NXPE1: variants seen among roughly 807,000 people sequenced by gnomAD.
NXPE1 encodes neurexophilin and PC-esterase domain family member 1.
NXPE1 carries 31 observed loss-of-function variants against 33.3 expected under a neutral mutation model. The observed-to-expected ratio is 0.93, with a 90% CI of 0.70 to 1.26. The LOEUF (loss-of-function observed/expected upper bound fraction) is 1.26. Among genes scored for constraint, NXPE1 ranks in the 50% most tolerant of loss-of-function variants. The pLI, the probability that NXPE1 is intolerant of heterozygous loss-of-function variation, is 0.00. For missense variants in NXPE1, 661 were observed against 655.6 expected, an observed-to-expected ratio of 1.01 and a Z score of -0.09; for synonymous variants, 229 against 231.4, an observed-to-expected ratio of 0.99 and a Z score of 0.09.
chr11:114,522,598 G>T, intron 8 of NXPE1, 95 bp from the exon 9 acceptor site: 1 of 1,027,178 alleles, frequency 9.7e-7, no homozygotes, highest in Non-Finnish European at 1.4e-6. Context: ...ACCCTACCTA[G>T]ATAATTGCTC....
At chr11:114,551,777 G>C (rs1488580632) in intron 3 of NXPE1, among the ~76,000 whole-genome samples, 197 bp downstream of exon 3, 1 of 152,086 alleles carries the variant, frequency 6.6e-6, no homozygotes, top group East Asian at 1.9e-4. Flanking sequence ...GATCCAATAA[G>C]GCTGGGCACT....
downstream of NXPE1, among the ~76,000 whole-genome samples, chr11:114,519,089 C>T (rs1947146786): frequency 6.6e-6 from 1 of 152,106 alleles, no homozygotes; most frequent in South Asian, 2.1e-4. Context: ...ATAATGTGAC[C>T]AATTGACCCC....
intron 5 of NXPE1, among the ~76,000 whole-genome samples, chr11:114,539,304 G>C (rs969254138): frequency 8.5e-6 from 1 of 118,310 alleles, no homozygotes; most frequent in African/African-American, 3.1e-5. Flanking sequence ...GAGGGGGGAG[G>C]GATAGCATTA....
chr11:114,543,519 TAAA>T (rs35370315), intron 5 of NXPE1, among the ~76,000 whole-genome samples: 4 of 146,950 alleles, frequency 2.7e-5, no homozygotes, highest in African/African-American at 1.0e-4. Flanking sequence ...AGACCCTGTT[TAAA>T]AAAAAAAAAA....
intron 6 of NXPE1, among the ~76,000 whole-genome samples, chr11:114,528,626 C>G (rs1947456134): frequency 6.6e-6 from 1 of 152,098 alleles, no homozygotes; most frequent in African/African-American, 2.4e-5. Flanking sequence ...AATAAATGTA[C>G]CTTACATTTC....
exon 6 of NXPE1, chr11:114,530,740 T>G: frequency 6.2e-7 from 1 of 1,614,118 alleles, no homozygotes; most frequent in Non-Finnish European, 8.5e-7. Flanking sequence ...TTCACATGGG[T>G]GAAAGGTCTG....
intron 5 of NXPE1, among the ~76,000 whole-genome samples, chr11:114,533,546 G>A (rs1176092814): frequency 2.0e-5 from 3 of 152,132 alleles, no homozygotes; most frequent in African/African-American, 4.8e-5. Context: ...TCAAAGAAAG[G>A]GGTGACAGAT....
At chr11:114,525,104 G>A (rs933688463) in intron 7 of NXPE1, among the ~76,000 whole-genome samples, 2 of 151,898 alleles carry the variant, frequency 1.3e-5, no homozygotes, top group Admixed American at 1.3e-4. Context: ...AGATCTGGGG[G>A]TAATGGTGTG....
chr11:114,551,662 C>T (rs1591304662), intron 3 of NXPE1, among the ~76,000 whole-genome samples: 1 of 152,050 alleles, frequency 6.6e-6, no homozygotes, highest in Non-Finnish European at 1.5e-5. Context: ...GTTAACTGGG[C>T]AGGGAGGTGG....
chr11:114,528,693 T>C (rs1477934662), intron 6 of NXPE1: 1 of 467,616 alleles, frequency 2.1e-6, no homozygotes, highest in Admixed American at 3.2e-5. Context: ...ACTCACACTT[T>C]GTTTCAAACC....
chr11:114,536,749 G>A (rs898669879), intron 5 of NXPE1, among the ~76,000 whole-genome samples: 6 of 152,126 alleles, frequency 3.9e-5, no homozygotes, highest in Admixed American at 1.3e-4. Flanking sequence ...TTAAATCTCT[G>A]AATAGACCAA....
At chr11:114,559,471 G>A (rs1948728430) in intron 1 of NXPE1, among the ~76,000 whole-genome samples, 1 of 152,166 alleles carries the variant, frequency 6.6e-6, no homozygotes, top group Admixed American at 6.5e-5. Flanking sequence ...ATGTTAGGTT[G>A]AGTGACTGTA....
At chr11:114,531,428 G>A (rs1297837013) in intron 5 of NXPE1, among the ~76,000 whole-genome samples, 1 of 152,180 alleles carries the variant, frequency 6.6e-6, no homozygotes, top group African/African-American at 2.4e-5. Context: ...CCTCAAGGAT[G>A]ATGACTGTCT....
At chr11:114,522,950 C>G (rs770267987) in exon 8 of NXPE1, 1 of 1,613,422 alleles carries the variant, frequency 6.2e-7, no homozygotes, top group African/African-American at 1.3e-5. Context: ...AATGAGTTTG[C>G]CTTTCAAACA....
At chr11:114,545,631 A>G (rs1948250674) in intron 5 of NXPE1, among the ~76,000 whole-genome samples, 1 of 152,092 alleles carries the variant, frequency 6.6e-6, no homozygotes, top group Non-Finnish European at 1.5e-5. Context: ...TGTGTATGAT[A>G]CTGTTGTGTA....
intron 5 of NXPE1, among the ~76,000 whole-genome samples, chr11:114,534,398 G>A (rs988189356): frequency 7.2e-5 from 11 of 152,322 alleles, no homozygotes; most frequent in East Asian, 1.9e-4. Flanking sequence ...CCAAAGGAAC[G>A]CAGCTCCTCA....
intron 5 of NXPE1, among the ~76,000 whole-genome samples, chr11:114,536,558 G>C (rs1414791642): frequency 6.6e-6 from 1 of 152,048 alleles, no homozygotes; most frequent in Non-Finnish European, 1.5e-5. Context: ...GAAGAAAAGA[G>C]AGAAGAATCA....
chr11:114,556,323 G>C (rs758585458), intron 1 of NXPE1, among the ~76,000 whole-genome samples: 4 of 152,186 alleles, frequency 2.6e-5, no homozygotes, highest in African/African-American at 4.8e-5. Flanking sequence ...GTGAGCAACA[G>C]ATTAAATCTC....
At chr11:114,522,089 T>C (rs944320365) in exon 9 of NXPE1, 1 of 1,613,954 alleles carries the variant, frequency 6.2e-7, no homozygotes, top group African/African-American at 1.3e-5. Flanking sequence ...CACGTTGAGG[T>C]CTTTGAAAAT....
Sources: gnomAD v4.1 joint callset for allele counts (sites outside exome capture counted in the v4.1 genomes callset) on GRCh38, gnomAD v4.1.1 for gene constraint, MANE v1.5 for transcripts, NCBI Gene and HGNC (gene_info 2026-07-23, HGNC 2026-07-21) for gene names.